The following MKLN1 variants were observed in gnomAD, a reference collection of about 807,000 sequenced individuals.
MKLN1 encodes muskelin 1.
Under a neutral mutation model 99.0 loss-of-function variants are expected in MKLN1, and 18 were observed. That is an observed-to-expected ratio of 0.18 (90% CI 0.13 to 0.27). The LOEUF (loss-of-function observed/expected upper bound fraction) is 0.27. Ranked by LOEUF, MKLN1 falls within the 10% of genes least tolerant of loss-of-function variation. The pLI is 1.00. For synonymous variants in MKLN1, 288 were observed against 293.2 expected (o/e 0.98, Z 0.18); for missense variants, 621 against 875.9 (o/e 0.71, Z 3.67).
At chr7:131,484,417 G>A (rs541358694) in intron 17 of MKLN1, among the ~76,000 whole-genome samples, 56 of 152,150 alleles carry the variant, frequency 3.7e-4, no homozygotes, top group Non-Finnish European at 6.2e-4. Context: ...GGTAGATGAA[G>A]AACAAAAATA....
intron 3 of MKLN1, among the ~76,000 whole-genome samples, chr7:131,243,864 A>G (rs1250881244): frequency 1.3e-5 from 2 of 152,058 alleles, no homozygotes; most frequent in African/African-American, 4.8e-5. Flanking sequence ...AAATACAAAA[A>G]ATTAGCTGGG....
intron 7 of MKLN1, among the ~76,000 whole-genome samples, chr7:131,413,721 T>G (rs915290313): frequency 2.6e-5 from 4 of 152,068 alleles, no homozygotes; most frequent in Admixed American, 6.6e-5. Flanking sequence ...TGTATTTTAG[T>G]AGAGACAGGG....
At chr7:131,364,260 T>A (rs555875451) in intron 1 of MKLN1, among the ~76,000 whole-genome samples, 19 of 152,120 alleles carry the variant, frequency 1.2e-4, no homozygotes, top group Non-Finnish European at 2.1e-4. Context: ...TTCTTAGATT[T>A]TAAATCAGAA....
chr7:131,197,691 A>G (rs1796669267), intron 2 of MKLN1, among the ~76,000 whole-genome samples: 1 of 152,036 alleles, frequency 6.6e-6, no homozygotes, highest in African/African-American at 2.4e-5. Flanking sequence ...TTTTCCAATG[A>G]CACAAACTCT....
At chr7:131,293,140 C>T (rs533853067) in intron 3 of MKLN1, among the ~76,000 whole-genome samples, 16 of 152,304 alleles carry the variant, frequency 1.1e-4, no homozygotes, top group African/African-American at 3.6e-4. Flanking sequence ...CTTTCAGACC[C>T]TGCCTTTTCC....
chr7:131,388,119 A>G (rs1388352472), intron 3 of MKLN1, among the ~76,000 whole-genome samples: 2 of 152,214 alleles, frequency 1.3e-5, no homozygotes, highest in East Asian at 3.8e-4. Context: ...GTGAGCCAAG[A>G]TCGCACCACT....
At chr7:131,477,262 C>T (rs1215580679) in intron 16 of MKLN1, among the ~76,000 whole-genome samples, 1 of 151,872 alleles carries the variant, frequency 6.6e-6, no homozygotes, top group East Asian at 1.9e-4. Context: ...AAAACATAGA[C>T]ATTGCCAGGT....
Position 131,414,692 on chromosome 7 carries a change from G to C in MKLN1, c.829G>C (p.Val277Leu). The C allele has an allele frequency of 6.2e-7, 1 of 1,604,642 alleles. No individual in the cohort carries two copies. The highest frequency in any genetic ancestry group is 8.5e-7 in the Non-Finnish European group (1 of 1,175,408). ...AGGAATGAGAGGAGGCCATCAGATG[G>C]TTATTGATGTTCAAACAGGTGAGTA... ...RPGMRGGHQM[V>L]IDVQTETVYL... The change falls in exon 8 of 18, where the codon GTT becomes CTT. Residue 277 changes from valine (V) to leucine (L), a missense_variant. This residue lies in a region of MKLN1 where 361 missense variants were observed against 540.8 expected (regional missense o/e 0.67). Coordinates refer to ENST00000352689, the MANE Select transcript of MKLN1 (RefSeq NM_013255.5).
Position 131,487,554 on chromosome 7 carries a change from TTC to T in MKLN1, c.2087-51_2087-50del, listed in dbSNP as rs1797316240. On this transcript the variant is annotated intron_variant, in intron 17 of 17. Coordinates refer to ENST00000352689, the MANE Select transcript of MKLN1 (RefSeq NM_013255.5). The surrounding 1 kb of genome is among the most constrained non-coding windows in gnomAD (Gnocchi z 4.7). ...CATTGCTGCTGGTCTCAACTAGTTT[TTC>T]TGTTACATGTTTTAAACACAATGGA... The T allele has an allele frequency of 3.2e-6, 5 of 1,576,558 alleles. No individual in the cohort carries two copies. Among genetic ancestry groups the T allele is most frequent in the African/African-American group, 2.7e-5 (2 of 73,028 alleles).
chr7:131,183,606 G>T (rs2551812), intron 2 of MKLN1, among the ~76,000 whole-genome samples: 1 of 152,152 alleles, frequency 6.6e-6, no homozygotes, highest in African/African-American at 2.4e-5. Flanking sequence ...TATAGTAACA[G>T]ATTATTTTCA....
intron 12 of MKLN1, among the ~76,000 whole-genome samples, chr7:131,449,923 C>T (rs1384599381): frequency 6.6e-6 from 1 of 152,190 alleles, no homozygotes; most frequent in Admixed American, 6.5e-5. Flanking sequence ...CTGTCCATGG[C>T]TACCCTAGGA....
At chr7:131,125,931 A>G (rs1268010228) in intron 1 of MKLN1, among the ~76,000 whole-genome samples, 2 of 151,402 alleles carry the variant, frequency 1.3e-5, no homozygotes, top group Admixed American at 6.6e-5. Flanking sequence ...GCGTGAACCC[A>G]GGAGGCAGAG....
chr7:131,214,596 AC>A (rs1340591449), intron 3 of MKLN1, among the ~76,000 whole-genome samples: 10 of 152,158 alleles, frequency 6.6e-5, no homozygotes, highest in African/African-American at 2.2e-4. Flanking sequence ...TATTGGGGCT[AC>A]CTATCACTGG....
intron 3 of MKLN1, among the ~76,000 whole-genome samples, chr7:131,220,356 G>A (rs905583920): frequency 6.6e-6 from 1 of 152,040 alleles, no homozygotes; most frequent in Non-Finnish European, 1.5e-5. Context: ...ACCTCAAGAC[G>A]GTATCAAAGC....
chr7:131,327,713 C>G (rs1584606453), upstream of MKLN1: 9 of 1,094,794 alleles, frequency 8.2e-6, no homozygotes, highest in East Asian at 2.2e-4. Flanking sequence ...GGTCAGCCGT[C>G]AAGGAGCGAG....
chr7:131,196,800 C>T (rs1220475252), intron 2 of MKLN1, among the ~76,000 whole-genome samples: 1 of 151,862 alleles, frequency 6.6e-6, no homozygotes, highest in Admixed American at 6.6e-5. Context: ...CCCATTGGCC[C>T]CCATTTAAAA....
intron 1 of MKLN1, among the ~76,000 whole-genome samples, chr7:131,132,925 C>CAAAAAAAAAAAAAAAA (rs1200356947): frequency 1.1e-5 from 1 of 87,126 alleles, no homozygotes; most frequent in African/African-American, 4.6e-5. Flanking sequence ...GACTCTGTCT[C>CAAAAAAAAAAAAAAAA]AAAAAAAAAA....
At chr7:131,153,639 A>G (rs1024668320) in intron 2 of MKLN1, among the ~76,000 whole-genome samples, 1 of 150,566 alleles carries the variant, frequency 6.6e-6, no homozygotes, top group Non-Finnish European at 1.5e-5. Context: ...CTGTGTAGCT[A>G]CAAAATGAAA....
At position 131,409,817 on chromosome 7, in the gene MKLN1, G is replaced by A. The variant is rs116782250; in HGVS notation, c.704-1489G>A. Among the ~76,000 whole-genome samples, 235 of 152,280 alleles carry A rather than the reference G, an allele frequency of 1.5e-3. 2 individuals are homozygous for A. Among genetic ancestry groups the A allele is most frequent in the African/African-American group, 5.1e-3 (212 of 41,556 alleles). ...GTAGCACATAGCAAGAAGTCCAGAG[G>A]TAAGGCAGATTTCATGGTTGGTTGA... On this transcript the variant is annotated intron_variant, in intron 6 of 17. Transcript: ENST00000352689.
Sources: allele counts gnomAD v4.1 joint callset (sites outside exome capture counted in the v4.1 genomes callset), GRCh38; gene constraint gnomAD v4.1.1; regional missense constraint gnomAD v4.1.1; non-coding constraint Gnocchi (gnomAD v3.1); transcripts MANE v1.5; gene names NCBI Gene and HGNC (gene_info 2026-07-23, HGNC 2026-07-21).